Variants in DHRS9 observed in about 807,000 individuals in gnomAD.
The protein encoded by DHRS9 is dehydrogenase/reductase SDR family member 9.
In DHRS9, 18 loss-of-function variants were observed where a neutral mutation model predicts 26.6. The observed-to-expected ratio is 0.68, with a 90% CI of 0.47 to 1.00. The LOEUF is 1.00. Among genes scored for constraint, DHRS9 ranks in the 50% least tolerant of loss-of-function variants. The probability of loss-of-function intolerance (pLI) is 0.00; values close to 1 mark genes in which losing one functional copy is unlikely to be tolerated. For synonymous variants in DHRS9, 134 were observed against 141.1 expected, an observed-to-expected ratio of 0.95 and a Z score of 0.36; for missense variants, 425 against 378.7, an observed-to-expected ratio of 1.12 and a Z score of -1.01.
At chr2:169,086,450 G>A (rs1684352630) in intron 3 of DHRS9, among the ~76,000 whole-genome samples, 1 of 151,004 alleles carries the variant, frequency 6.6e-6, no homozygotes, top group Non-Finnish European at 1.5e-5. Context: ...CTGTCTGAAA[G>A]GTCTCATGTC....
At chr2:169,087,552 C>T (rs1316136174) in intron 3 of DHRS9, among the ~76,000 whole-genome samples, 4 of 152,076 alleles carry the variant, frequency 2.6e-5, no homozygotes, top group Non-Finnish European at 5.9e-5. Flanking sequence ...TTCTGAAGCA[C>T]AAGGAGTCTC....
At chr2:169,094,921 T>C (rs75833252) in intron 4 of DHRS9, among the ~76,000 whole-genome samples, 2,308 of 152,250 alleles carry the variant, frequency 0.015, 50 homozygotes, top group African/African-American at 0.053. Context: ...AGAACTGGGA[T>C]CCTTTTAGCT....
At chr2:169,079,985 GAAAGAAAGAAAGAAAGAAAGAAAGAA>G (rs1458463726) in intron 1 of DHRS9, among the ~76,000 whole-genome samples, 9 of 51,060 alleles carry the variant, frequency 1.8e-4, no homozygotes, top group African/African-American at 3.9e-4. Flanking sequence ...GAGAGAGAGA[GAAAGAAAGAAAGAAAGAAAGAAAGAA>G]AGAAAGAAAG....
At chr2:169,095,495 C>T in intron 4 of DHRS9, 49 bp from the exon 5 acceptor site, 1 of 1,500,400 alleles carries the variant, frequency 6.7e-7, no homozygotes, top group Non-Finnish European at 9.3e-7. Flanking sequence ...GACTTCCACT[C>T]TGCTTTCCCC....
At chr2:169,082,142 G>T (rs2105291540) in intron 2 of DHRS9, among the ~76,000 whole-genome samples, 1 of 152,280 alleles carries the variant, frequency 6.6e-6, no homozygotes, top group African/African-American at 2.4e-5. Context: ...GGGCTGAGAT[G>T]AAAGTATTGA....
At chr2:169,070,792 C>T (rs1006402264) in intron 1 of DHRS9, 41 of 984,052 alleles carry the variant, frequency 4.2e-5, no homozygotes, top group South Asian at 9.4e-5. Flanking sequence ...TGGCCGGGCG[C>T]GGTGGCTCAT....
chr2:169,076,425 T>C (rs1683963921), intron 1 of DHRS9, among the ~76,000 whole-genome samples: 1 of 152,230 alleles, frequency 6.6e-6, no homozygotes, highest in African/African-American at 2.4e-5. Flanking sequence ...ATGAACACAA[T>C]GTTTAGAAAT....
At chr2:169,079,849 G>A (rs962396578) in intron 1 of DHRS9, among the ~76,000 whole-genome samples, 111 of 137,026 alleles carry the variant, frequency 8.1e-4, no homozygotes, top group Admixed American at 1.6e-3. Context: ...CGACAACAGC[G>A]AAATTCCATC....
chr2:169,078,304 A>G (rs937692848), intron 1 of DHRS9, among the ~76,000 whole-genome samples: 2 of 152,212 alleles, frequency 1.3e-5, no homozygotes, highest in Non-Finnish European at 2.9e-5. Flanking sequence ...TGCCCCTGGT[A>G]AAAATGACAA....
intron 3 of DHRS9, among the ~76,000 whole-genome samples, chr2:169,085,152 T>C (rs1250078779): frequency 6.6e-6 from 1 of 152,150 alleles, no homozygotes; most frequent in African/African-American, 2.4e-5. Context: ...TGTAGATGTA[T>C]GGATTTGTTT....
At chr2:169,091,434 T>G (rs1435116825) in intron 3 of DHRS9, among the ~76,000 whole-genome samples, 1 of 152,192 alleles carries the variant, frequency 6.6e-6, no homozygotes, top group Non-Finnish European at 1.5e-5. Flanking sequence ...CAGGCTATCA[T>G]TAGTTCATTT....
intron 1 of DHRS9, among the ~76,000 whole-genome samples, chr2:169,075,966 T>G (rs911596128): frequency 2.0e-5 from 3 of 152,158 alleles, no homozygotes; most frequent in African/African-American, 7.2e-5. Flanking sequence ...ACAGGGAGAT[T>G]CTTTGAGATT....
chr2:169,095,122 G>A (rs1425513072), intron 4 of DHRS9, among the ~76,000 whole-genome samples: 1 of 152,042 alleles, frequency 6.6e-6, no homozygotes, highest in Non-Finnish European at 1.5e-5. Context: ...AACTTTCTAG[G>A]CTTAGGGGCC....
chr2:169,092,203 C>T (rs1487188149), intron 4 of DHRS9, among the ~76,000 whole-genome samples: 2 of 152,212 alleles, frequency 1.3e-5, no homozygotes, highest in Non-Finnish European at 2.9e-5. Context: ...TCCTCAAAAA[C>T]TATTAGAGTA....
At position 169,091,833 on chromosome 2, in the gene DHRS9, C is replaced by T. The variant is rs1228885593; in HGVS notation, c.616C>T (p.Pro206Ser). Reference protein sequence around the residue: ...AFGVHVSCIEPGLFKTNLADP... With the variant: ...AFGVHVSCIESGLFKTNLADP... Reference sequence around the variant, plus strand: ...TGGTGTGCACGTCTCATGCATTGAACCAGGATTGTTCAAAACAAACTTGGC... The same window carrying T: ...TGGTGTGCACGTCTCATGCATTGAATCAGGATTGTTCAAAACAAACTTGGC... Residue 206 changes from proline to serine, a missense_variant, in exon 4 of 5, where the codon CCA becomes TCA. By Grantham distance (74) the Pro-to-Ser change is moderately conservative (BLOSUM62 -1). Transcript: ENST00000674881. 4 of 1,613,790 alleles carry T rather than the reference C, an allele frequency of 2.5e-6. No individual in the cohort carries two copies. In the East Asian group the frequency reaches 6.7e-5, roughly 27 times the overall value.
At chr2:169,082,841 T>G (rs1684231354) in intron 2 of DHRS9, among the ~76,000 whole-genome samples, 1 of 118,258 alleles carries the variant, frequency 8.5e-6, no homozygotes. Context: ...TGAGAACACA[T>G]GGACACAGGA....
chr2:169,074,334 T>C (rs1204207896), intron 1 of DHRS9: 1 of 985,464 alleles, frequency 1.0e-6, no homozygotes, highest in Non-Finnish European at 1.2e-6. Context: ...AACCTCTGCC[T>C]GCTTGCTTCT....
intron 1 of DHRS9, chr2:169,070,129 G>T: frequency 5.1e-6 from 5 of 985,376 alleles, no homozygotes; most frequent in Non-Finnish European, 4.8e-6. Flanking sequence ...GTCAACTGCA[G>T]GTCTGATCTG....
chr2:169,070,493 G>A, intron 1 of DHRS9: 1 of 985,446 alleles, frequency 1.0e-6, no homozygotes, highest in Non-Finnish European at 1.2e-6. Context: ...CAAGGGCACA[G>A]ATTGTGCTTC....
Sources: allele counts gnomAD v4.1 joint callset (sites outside exome capture counted in the v4.1 genomes callset), GRCh38; gene constraint gnomAD v4.1.1; transcripts MANE v1.5; gene names NCBI Gene and HGNC (gene_info 2026-07-23, HGNC 2026-07-21).